The following MBOAT1 variants were observed in gnomAD, a reference collection of about 807,000 sequenced individuals.
The protein encoded by MBOAT1 is membrane-bound glycerophospholipid O-acyltransferase 1.
In MBOAT1, 67 loss-of-function variants were observed where a neutral mutation model predicts 64.4. That is an observed-to-expected ratio of 1.04 (90% CI 0.85 to 1.27). The LOEUF (loss-of-function observed/expected upper bound fraction) is 1.27. Ranked by LOEUF, MBOAT1 falls within the 50% of genes most tolerant of loss-of-function variation. The probability of loss-of-function intolerance (pLI) is 0.00; values close to 1 mark genes in which losing one functional copy is unlikely to be tolerated. For missense variants in MBOAT1, 563 were observed against 604.6 expected (o/e 0.93, Z 0.72); for synonymous variants, 229 against 218.9 (o/e 1.05, Z -0.41).
chr6:20,145,476 A>G (rs1761302195), intron 3 of MBOAT1, among the ~76,000 whole-genome samples: 1 of 152,240 alleles, frequency 6.6e-6, no homozygotes, highest in South Asian at 2.1e-4. Flanking sequence ...GAGGGCAAAG[A>G]TGGTCACCTA....
chr6:20,143,649 T>A (rs912808088), intron 4 of MBOAT1, among the ~76,000 whole-genome samples: 41 of 152,198 alleles, frequency 2.7e-4, no homozygotes, highest in Admixed American at 2.6e-3. Flanking sequence ...GAATAACCAA[T>A]GGGTACTAGG....
chr6:20,121,567 G>A (rs577176698), intron 8 of MBOAT1, among the ~76,000 whole-genome samples: 13 of 152,202 alleles, frequency 8.5e-5, no homozygotes, highest in African/African-American at 2.2e-4. Flanking sequence ...GTAGAAAAGT[G>A]CAGGTGCTCT....
At chr6:20,128,483 C>T (rs1760724053) in intron 6 of MBOAT1, among the ~76,000 whole-genome samples, 1 of 152,192 alleles carries the variant, frequency 6.6e-6, no homozygotes, top group Non-Finnish European at 1.5e-5. Context: ...TACCCTAACA[C>T]ATTTCAAAAT....
At chr6:20,187,318 G>A (rs948599825) in intron 1 of MBOAT1, among the ~76,000 whole-genome samples, 1 of 152,254 alleles carries the variant, frequency 6.6e-6, no homozygotes, top group African/African-American at 2.4e-5. Context: ...TCTGTAAAGT[G>A]AGGGAGGGAA....
intron 1 of MBOAT1, among the ~76,000 whole-genome samples, chr6:20,204,950 A>G (rs1763220400): frequency 6.6e-6 from 1 of 152,162 alleles, no homozygotes; most frequent in African/African-American, 2.4e-5. Flanking sequence ...TAATCCCCGC[A>G]TTTTGGGAGG....
At position 20,152,639 on chromosome 6, in the gene MBOAT1, A is replaced by G. The variant is rs773875128; in HGVS notation, c.230T>C (p.Ile77Thr). Reference protein sequence around the residue: ...VATIFGIYFVIFCFGWYSVHL... With the variant: ...VATIFGIYFVTFCFGWYSVHL... ...TCATACTCACCAGCCGAAACAAAAGATGACAAAATAGATGCCAAAAATGGT... is the reference window on the plus strand; with the variant it reads ...TCATACTCACCAGCCGAAACAAAAGGTGACAAAATAGATGCCAAAAATGGT... Residue 77 changes from isoleucine to threonine, a missense_variant, in exon 2 of 13, where the codon ATC (isoleucine) becomes ACC (threonine). By Grantham distance (89) the Ile-to-Thr change is moderately conservative (BLOSUM62 -1). Coordinates refer to ENST00000324607, the MANE Select transcript of MBOAT1 (RefSeq NM_001080480.3). 5 of 1,610,310 alleles carry G rather than the reference A, an allele frequency of 3.1e-6. No homozygotes were observed. Among genetic ancestry groups the G allele is most frequent in the Non-Finnish European group, 4.2e-6 (5 of 1,177,650 alleles).
intron 5 of MBOAT1, among the ~76,000 whole-genome samples, chr6:20,129,302 T>C (rs558117006): frequency 6.6e-6 from 1 of 152,158 alleles, no homozygotes; most frequent in South Asian, 2.1e-4. Flanking sequence ...TACAAAGAAA[T>C]TATCAGAGTT....
At chr6:20,208,190 G>C (rs1561789945) in intron 1 of MBOAT1, among the ~76,000 whole-genome samples, 1 of 152,082 alleles carries the variant, frequency 6.6e-6, no homozygotes, top group Non-Finnish European at 1.5e-5. Context: ...GCTCATGCCT[G>C]TAATCCCAGC....
At chr6:20,129,254 AT>A (rs1242357274) in intron 5 of MBOAT1, among the ~76,000 whole-genome samples, 2 of 152,244 alleles carry the variant, frequency 1.3e-5, no homozygotes, top group African/African-American at 4.8e-5. Flanking sequence ...AAAATAAAAA[AT>A]AAAATGGGGG....
chr6:20,141,527 T>A (rs1285575779), intron 4 of MBOAT1, among the ~76,000 whole-genome samples: 1 of 151,834 alleles, frequency 6.6e-6, no homozygotes, highest in Non-Finnish European at 1.5e-5. Context: ...ACCCAGCTAA[T>A]TTGTTTTTTG....
chr6:20,117,282 C>T (rs1441256278), intron 9 of MBOAT1, among the ~76,000 whole-genome samples: 3 of 152,160 alleles, frequency 2.0e-5, no homozygotes, highest in African/African-American at 7.2e-5. Context: ...CGCAGTGGCC[C>T]TCAATTAATA....
intron 8 of MBOAT1, among the ~76,000 whole-genome samples, chr6:20,122,320 TAGTGACC>T (rs1760516230): frequency 6.6e-6 from 1 of 152,200 alleles, no homozygotes; most frequent in South Asian, 2.1e-4. Flanking sequence ...GAACCTTCCC[TAGTGACC>T]AGTCTGTATT....
intron 7 of MBOAT1, chr6:20,125,888 C>T (rs975579566): frequency 5.7e-5 from 25 of 439,442 alleles, no homozygotes; most frequent in East Asian, 7.1e-5. Flanking sequence ...CCACTCCTTT[C>T]GTTAATTACA....
chr6:20,151,207 C>G lies in MBOAT1; in HGVS notation c.301G>C (p.Ala101Pro). 6.2e-7 allele frequency: 1 copy of G among 1,613,214 alleles called. No individual in the cohort carries two copies. The highest frequency in any genetic ancestry group is 8.5e-7 in the Non-Finnish European group (1 of 1,179,362). The change falls in exon 3 of 13, where the codon GCT becomes CCT. Residue 101 changes from alanine (A) to proline (P), a missense_variant. By Grantham distance (27) the Ala-to-Pro change is conservative. Coordinates refer to ENST00000324607, the MANE Select transcript of MBOAT1 (RefSeq NM_001080480.3). ...TACCTGTGAATATTGGATACACTAG[C>G]AGTGACCATGATTGCATAGCACATT... ...VLMCYAIMVTASVSNIHRYSF... is the reference protein window; with the variant it reads ...VLMCYAIMVTPSVSNIHRYSF...
intron 1 of MBOAT1, among the ~76,000 whole-genome samples, chr6:20,176,931 C>T (rs536251833): frequency 6.6e-6 from 1 of 152,256 alleles, no homozygotes; most frequent in African/African-American, 2.4e-5. Context: ...GCCTACTATT[C>T]ATTTTTATTC....
At chr6:20,169,019 AAAC>A (rs760312247) in intron 1 of MBOAT1, among the ~76,000 whole-genome samples, 7 of 152,306 alleles carry the variant, frequency 4.6e-5, no homozygotes, top group Admixed American at 6.5e-5. Context: ...GTTGTCTCCT[AAAC>A]AACAACAACA....
intron 4 of MBOAT1, among the ~76,000 whole-genome samples, chr6:20,132,517 T>C (rs1760860597): frequency 6.6e-6 from 1 of 152,210 alleles, no homozygotes; most frequent in South Asian, 2.1e-4. Flanking sequence ...AAGAAGAGTC[T>C]TTTTAACAAA....
chr6:20,100,647 C>A lies in MBOAT1; in HGVS notation c.*1639G>T, dbSNP rs1431917406. On this transcript the variant is annotated 3_prime_UTR_variant, in exon 13 of 13. Coordinates refer to ENST00000324607, the MANE Select transcript of MBOAT1 (RefSeq NM_001080480.3). ...CCTAAGAGAAGCAGCAGTAGGACACCTTATGGACCTGTGTCTCTATTGACA... is the reference window on the plus strand; with the variant it reads ...CCTAAGAGAAGCAGCAGTAGGACACATTATGGACCTGTGTCTCTATTGACA... 6.6e-6 allele frequency among the ~76,000 whole-genome samples: 1 copy of A among 152,170 alleles called. No homozygotes were observed. The highest frequency in any genetic ancestry group is 2.4e-5 in the African/African-American group (1 of 41,430).
intron 1 of MBOAT1, among the ~76,000 whole-genome samples, chr6:20,192,154 C>T (rs923147007): frequency 2.6e-5 from 4 of 152,148 alleles, no homozygotes; most frequent in African/African-American, 9.7e-5. Flanking sequence ...AAAAGTCATT[C>T]CTTTGCAAGG....
Sources: gnomAD v4.1 joint callset for allele counts (sites outside exome capture counted in the v4.1 genomes callset) on GRCh38, gnomAD v4.1.1 for gene constraint, MANE v1.5 for transcripts, NCBI Gene and HGNC (gene_info 2026-07-23, HGNC 2026-07-21) for gene names.